The following AUTS2 variants were observed in gnomAD, a reference collection of about 807,000 sequenced individuals.
AUTS2 encodes the protein autism susceptibility gene 2 protein.
Under a neutral mutation model 112.4 loss-of-function variants are expected in AUTS2, and 17 were observed. The ratio of observed to expected loss-of-function variants is 0.15; its 90% CI spans 0.10 to 0.23. The LOEUF is 0.23. Ranked by LOEUF, AUTS2 falls within the 10% of genes least tolerant of loss-of-function variation. The pLI, the probability that AUTS2 is intolerant of heterozygous loss-of-function variation, is 1.00. For missense variants in AUTS2, 1,510 were observed against 1,701.6 expected (o/e 0.89, Z 1.98); for synonymous variants, 751 against 702.7 (o/e 1.07, Z -1.09).
At chr7:70,112,489 C>G (rs573973402) in intron 2 of AUTS2, among the ~76,000 whole-genome samples, 2 of 152,028 alleles carry the variant, frequency 1.3e-5, no homozygotes, top group African/African-American at 2.4e-5. Context: ...CCTCTGCGTC[C>G]TTTTTCATTG....
intron 4 of AUTS2, among the ~76,000 whole-genome samples, chr7:70,362,315 C>T (rs1031372428): frequency 2.0e-5 from 3 of 151,648 alleles, no homozygotes; most frequent in Non-Finnish European, 4.4e-5. Flanking sequence ...CTCCTCTTCC[C>T]TTCCTTTCTC....
At chr7:70,307,565 C>G (rs1423063629) in intron 4 of AUTS2, among the ~76,000 whole-genome samples, 1 of 152,208 alleles carries the variant, frequency 6.6e-6, no homozygotes, top group Non-Finnish European at 1.5e-5. Flanking sequence ...CATACAATAG[C>G]TGTAAACCTC....
chr7:70,749,749 G>A (rs1411773692), intron 6 of AUTS2, among the ~76,000 whole-genome samples: 1 of 152,166 alleles, frequency 6.6e-6, no homozygotes, highest in Admixed American at 6.5e-5. Context: ...CTGTCCTCAG[G>A]AGTACAAACA....
intron 5 of AUTS2, among the ~76,000 whole-genome samples, chr7:70,493,480 G>A (rs1049453761): frequency 6.6e-6 from 1 of 151,990 alleles, no homozygotes; most frequent in Admixed American, 6.6e-5. Context: ...TACTACTCTG[G>A]ATTTCACTGC....
intron 4 of AUTS2, among the ~76,000 whole-genome samples, chr7:70,305,338 T>G (rs1789446160): frequency 6.6e-6 from 1 of 152,144 alleles, no homozygotes; most frequent in African/African-American, 2.4e-5. Context: ...AGGTACCCAC[T>G]GAAATGTCAC....
chr7:69,707,227 T>C (rs146251829), intron 1 of AUTS2, among the ~76,000 whole-genome samples: 55 of 152,356 alleles, frequency 3.6e-4, no homozygotes, highest in African/African-American at 1.3e-3. Flanking sequence ...TGCATACTTT[T>C]TATACAAATT....
intron 2 of AUTS2, among the ~76,000 whole-genome samples, chr7:70,008,651 A>G (rs935080992): frequency 6.6e-6 from 1 of 152,208 alleles, no homozygotes; most frequent in Non-Finnish European, 1.5e-5. Context: ...GACTTGTGAC[A>G]TGACCGCATG....
At chr7:70,101,868 GT>G (rs1228945566) in intron 2 of AUTS2, among the ~76,000 whole-genome samples, 1 of 152,062 alleles carries the variant, frequency 6.6e-6, no homozygotes, top group South Asian at 2.1e-4. Flanking sequence ...AGCCATTGCT[GT>G]GACAATATAG....
intron 5 of AUTS2, among the ~76,000 whole-genome samples, chr7:70,602,285 C>T (rs1300252492): frequency 1.3e-5 from 2 of 152,212 alleles, no homozygotes; most frequent in Non-Finnish European, 2.9e-5. Flanking sequence ...AACCTTGCAC[C>T]AGAGGAAACC....
chr7:70,154,957 C>T lies in AUTS2; in HGVS notation c.660+20386C>T, dbSNP rs530453531. The stretch of plus-strand genomic sequence containing the variant: ...GGGTTAGTTGTAGGAGCTGTCAGAG[C>T]CCCCCTGGGACCTGCTTTACAGGTT... On this transcript the variant is annotated intron_variant, in intron 4 of 18. Coordinates refer to ENST00000342771, the MANE Select transcript of AUTS2 (RefSeq NM_015570.4). Among the ~76,000 whole-genome samples the T allele has an allele frequency of 4.6e-5, 7 of 152,250 alleles. No homozygotes were observed. In the South Asian group the frequency reaches 8.3e-4, roughly 18 times the overall value.
chr7:70,765,310 G>C (rs1182225343), intron 8 of AUTS2, among the ~76,000 whole-genome samples: 1 of 152,150 alleles, frequency 6.6e-6, no homozygotes, highest in Non-Finnish European at 1.5e-5. Flanking sequence ...TGTGTCCCGT[G>C]TCGTCTGGGC....
intron 4 of AUTS2, among the ~76,000 whole-genome samples, chr7:70,339,495 C>T (rs569447400): frequency 2.6e-5 from 4 of 152,260 alleles, no homozygotes; most frequent in East Asian, 3.9e-4. Flanking sequence ...TCTCTCTCTC[C>T]ACTTCGGGGT....
chr7:69,890,442 T>G (rs1022099997), intron 1 of AUTS2, among the ~76,000 whole-genome samples: 1 of 152,202 alleles, frequency 6.6e-6, no homozygotes, highest in Non-Finnish European at 1.5e-5. Flanking sequence ...TTAAACCTTG[T>G]CCCTCTCATC....
At position 70,631,146 on chromosome 7, in the gene AUTS2, AT is replaced by A. The variant is rs1805237671; in HGVS notation, c.691-67422del. ...CTGGCCCCTCGCCGCGCCATTCCTGATGACAAACTGCCAGCCAGCTCCCACA... is the reference window on the plus strand; with the variant it reads ...CTGGCCCCTCGCCGCGCCATTCCTGAGACAAACTGCCAGCCAGCTCCCACA... On this transcript the variant is annotated intron_variant, in intron 5 of 18. Transcript: ENST00000342771. This position sits in a 1 kb window ranked among gnomAD's most constrained non-coding sequence, Gnocchi z 4.5. Among the ~76,000 whole-genome samples, 1 of 152,154 alleles carries A rather than the reference AT, an allele frequency of 6.6e-6. No homozygotes were observed. Among genetic ancestry groups the A allele is most frequent in the Non-Finnish European group, 1.5e-5 (1 of 68,028 alleles).
chr7:70,269,920 T>C (rs1787607705), intron 4 of AUTS2, among the ~76,000 whole-genome samples: 1 of 152,184 alleles, frequency 6.6e-6, no homozygotes, highest in South Asian at 2.1e-4. Flanking sequence ...GTTCCTATAA[T>C]TCCAGTGCTT....
At chr7:69,988,938 A>T (rs991882924) in intron 2 of AUTS2, among the ~76,000 whole-genome samples, 1 of 152,190 alleles carries the variant, frequency 6.6e-6, no homozygotes, top group Non-Finnish European at 1.5e-5. Context: ...AGTGCTACTA[A>T]GTTGAAGAAA....
At chr7:70,143,939 T>A (rs976841261) in intron 4 of AUTS2, among the ~76,000 whole-genome samples, 1 of 152,170 alleles carries the variant, frequency 6.6e-6, no homozygotes, top group Non-Finnish European at 1.5e-5. Flanking sequence ...CATATGTTCA[T>A]CACATCTCAT....
intron 4 of AUTS2, among the ~76,000 whole-genome samples, chr7:70,329,815 G>C (rs1052146938): frequency 6.6e-6 from 1 of 151,950 alleles, no homozygotes; most frequent in Non-Finnish European, 1.5e-5. Context: ...CTTGACACTA[G>C]AGAATTTATA....
intron 1 of AUTS2, among the ~76,000 whole-genome samples, chr7:69,752,637 ACACTCGCGG>A: frequency 6.6e-6 from 1 of 152,272 alleles, no homozygotes; most frequent in Non-Finnish European, 1.5e-5. Flanking sequence ...TGAAATTGTG[ACACTCGCGG>A]TTGACTCGTG....
Sources: allele counts gnomAD v4.1 joint callset (sites outside exome capture counted in the v4.1 genomes callset), GRCh38; gene constraint gnomAD v4.1.1; non-coding constraint Gnocchi (gnomAD v3.1); transcripts MANE v1.5; gene names NCBI Gene and HGNC (gene_info 2026-07-23, HGNC 2026-07-21).